The following PMPCB variants were observed in gnomAD, a reference collection of about 807,000 sequenced individuals.
PMPCB encodes the protein mitochondrial-processing peptidase subunit beta.
A neutral mutation model predicts 61.5 loss-of-function variants in PMPCB; 46 were observed. That is an observed-to-expected ratio of 0.75 (90% confidence interval 0.59 to 0.96). The LOEUF (loss-of-function observed/expected upper bound fraction) is 0.96, where lower values mean the gene tolerates loss of function less well. Ranked by LOEUF, PMPCB falls within the 40% of genes least tolerant of loss-of-function variation. The probability of loss-of-function intolerance (pLI) is 0.00; values close to 1 mark genes in which losing one functional copy is unlikely to be tolerated. For missense variants in PMPCB, 590 were observed against 602.4 expected, an observed-to-expected ratio of 0.98 and a Z score of 0.22; for synonymous variants, 191 against 201.6, an observed-to-expected ratio of 0.95 and a Z score of 0.44.
At chr7:103,309,275 T>C (rs1232077866) in intron 8 of PMPCB, 180 bp downstream of exon 8, 1 of 475,260 alleles carries the variant, frequency 2.1e-6, no homozygotes, top group African/African-American at 2.0e-5. Flanking sequence ...GTTTCTTTTT[T>C]TCTTTGCCAC....
intron 2 of PMPCB, 23 bp downstream of exon 2, chr7:103,298,731 T>C (rs1455257384): frequency 1.2e-6 from 2 of 1,601,846 alleles, no homozygotes; most frequent in Non-Finnish European, 1.7e-6. Flanking sequence ...GGCAACCTTC[T>C]CTAAGTGACC....
chr7:103,324,580 A>G (rs1411116965), intron 12 of PMPCB: 1 of 1,438,636 alleles, frequency 7.0e-7, no homozygotes, highest in Non-Finnish European at 9.3e-7. Context: ...ATCAAAGGAA[A>G]TATTCTTACA....
At chr7:103,315,611 G>A (rs533236600), downstream of PMPCB, among the ~76,000 whole-genome samples, 1 of 152,200 alleles carries the variant, frequency 6.6e-6, no homozygotes, top group African/African-American at 2.4e-5. Flanking sequence ...GTTAGGTGAA[G>A]TAAATCTTTG....
At chr7:103,306,459 C>G (rs1022113966) in intron 6 of PMPCB, among the ~76,000 whole-genome samples, 5 of 151,428 alleles carry the variant, frequency 3.3e-5, no homozygotes, top group Non-Finnish European at 7.4e-5. Context: ...CTTGGCTCAC[C>G]GCAAACTCCG....
intron 6 of PMPCB, among the ~76,000 whole-genome samples, chr7:103,305,641 G>T (rs62482394): frequency 0.065 from 9,924 of 152,252 alleles, 395 homozygotes; most frequent in South Asian, 0.13. Context: ...TCTTTTTAGA[G>T]ATCATAATTT....
chr7:103,326,383 C>T (rs947852448), intron 12 of PMPCB, among the ~76,000 whole-genome samples: 2 of 151,888 alleles, frequency 1.3e-5, no homozygotes, highest in African/African-American at 4.8e-5. Flanking sequence ...AGTAAGTTCA[C>T]CAGAAGGGCT....
At position 103,304,399 on chromosome 7, in the gene PMPCB, C is replaced by A; in HGVS notation, c.657-12C>A. ...TTGGTTTCCTTTAAAAATTGTTTTA[C>A]TTCATTTACAGATCTATAAGTCGTA... is the stretch of plus-strand genomic sequence containing the variant. On this transcript the variant is annotated splice_polypyrimidine_tract_variant and intron_variant, in intron 5 of 12. Transcript: ENST00000249269. The A allele has an allele frequency of 1.4e-6, 2 of 1,474,614 alleles. No homozygotes were observed. The highest frequency in any genetic ancestry group is 1.2e-5 in the South Asian group (1 of 85,188). 91.3% of individuals were successfully genotyped at this position (1,474,614 alleles called of 1,614,324 possible).
At chr7:103,327,486 T>G in intron 12 of PMPCB, 1 of 685,402 alleles carries the variant, frequency 1.5e-6, no homozygotes, top group Non-Finnish European at 2.4e-6. Flanking sequence ...CACCTCACTT[T>G]GTGTCGTGAG....
At chr7:103,309,377 C>T (rs1450685017) in intron 8 of PMPCB, 1 of 218,940 alleles carries the variant, frequency 4.6e-6, no homozygotes. Flanking sequence ...GTCAGTAGGC[C>T]CTCTATATCT....
At chr7:103,297,675 G>T (rs1817324040) in intron 1 of PMPCB, 117 bp downstream of exon 1, 3 of 1,541,572 alleles carry the variant, frequency 1.9e-6, no homozygotes, top group Admixed American at 2.0e-5. Flanking sequence ...CCTCGACCCG[G>T]ACCCGCCGGG....
At chr7:103,310,672 G>T (rs1563449836) in intron 9 of PMPCB, 197 bp downstream of exon 9, 32 of 250,352 alleles carry the variant, frequency 1.3e-4, no homozygotes, top group Middle Eastern at 1.3e-3. Context: ...TTATACTATA[G>T]AATTTTTTTT....
At chr7:103,317,095 G>A, downstream of PMPCB, 3 of 1,221,384 alleles carry the variant, frequency 2.5e-6, no homozygotes, top group Non-Finnish European at 2.3e-6. Context: ...GGGCTTTGTG[G>A]TCCTCAACTC....
At chr7:103,338,914 TA>T in the PMPCB span, among the ~76,000 whole-genome samples, 1 of 151,792 alleles carries the variant, frequency 6.6e-6, no homozygotes, top group Admixed American at 6.6e-5. Context: ...CGTCTCAAAA[TA>T]AAATAAAATA....
At chr7:103,315,803 G>A (rs771002862), downstream of PMPCB, 2 of 1,613,648 alleles carry the variant, frequency 1.2e-6, no homozygotes, top group Admixed American at 1.7e-5. Context: ...TCTGCTTGAG[G>A]TACCACTCCA....
chr7:103,336,275 T>C, the PMPCB span: 1 of 152,258 alleles, frequency 6.6e-6, no homozygotes, highest in Admixed American at 6.5e-5. Flanking sequence ...ACACAAACTA[T>C]TCTCACAGTT....
At chr7:103,323,611 CT>C in intron 12 of PMPCB, 1 of 1,466,818 alleles carries the variant, frequency 6.8e-7, no homozygotes, top group Non-Finnish European at 9.3e-7. Context: ...TCTGCTTTTT[CT>C]TTTTCTTCTT....
chr7:103,312,870 A>G lies in PMPCB; in HGVS notation c.*599A>G. The G allele has an allele frequency of 1.3e-6, 2 of 1,551,116 alleles. No homozygotes were observed. Among genetic ancestry groups the G allele is most frequent in the South Asian group, 2.6e-5 (2 of 77,930 alleles). The stretch of plus-strand genomic sequence containing the variant: ...TAAGCACTATATTATTAACCACTTA[A>G]TAGACATAAAATATGAGCTATATCA... On this transcript the variant is annotated 3_prime_UTR_variant, in exon 13 of 13. Coordinates refer to ENST00000249269, the MANE Select transcript of PMPCB (RefSeq NM_004279.3).
chr7:103,313,300 A>G lies in PMPCB; in HGVS notation c.*1029A>G, dbSNP rs568968973. 1.5e-6 allele frequency: 2 copies of G among 1,325,866 alleles called. No homozygotes were observed. The highest frequency in any genetic ancestry group is 3.0e-5 in the African/African-American group (2 of 66,160). 82.1% of individuals were successfully genotyped at this position (1,325,866 alleles called of 1,614,324 possible). On this transcript the variant is annotated 3_prime_UTR_variant, in exon 13 of 13. Coordinates refer to ENST00000249269, the MANE Select transcript of PMPCB (RefSeq NM_004279.3). ...ATTTCAGATAGCTCACATCCCAGAA[A>G]ATAAAATCTCAAAGGCTTTTAAAAC... is the stretch of plus-strand genomic sequence containing the variant.
At chr7:103,335,538 CT>C in the PMPCB span, 622 of 139,950 alleles carry the variant, frequency 4.4e-3, no homozygotes, top group Non-Finnish European at 4.5e-3. Flanking sequence ...TTCTTTCTTT[CT>C]TTTTTTTTTT....
Sources: gnomAD v4.1 joint callset for allele counts (sites outside exome capture counted in the v4.1 genomes callset) on GRCh38, gnomAD v4.1.1 for gene constraint, MANE v1.5 for transcripts, NCBI Gene and HGNC (gene_info 2026-07-23, HGNC 2026-07-21) for gene names.